STAT3: variants seen among roughly 807,000 people sequenced by gnomAD.
STAT3 encodes the protein DNA-binding protein APRF.
STAT3 carries 7 observed loss-of-function variants against 114.3 expected under a neutral mutation model. That is an observed-to-expected ratio of 0.06 (90% CI 0.03 to 0.11). The LOEUF (loss-of-function observed/expected upper bound fraction) is 0.11. Among genes scored for constraint, STAT3 ranks in the 10% least tolerant of loss-of-function variants. STAT3 has a pLI of 1.00. For synonymous variants in STAT3, 331 were observed against 354.5 expected, an observed-to-expected ratio of 0.93 and a Z score of 0.74; for missense variants, 364 against 960.9, an observed-to-expected ratio of 0.38 and a Z score of 8.21.
intron 1 of STAT3, among the ~76,000 whole-genome samples, chr17:42,350,134 A>G (rs1252683555): frequency 6.6e-6 from 1 of 152,204 alleles, no homozygotes; most frequent in African/African-American, 2.4e-5. Flanking sequence ...CCAAGGTCCA[A>G]TGAGATGGTT....
intron 1 of STAT3, among the ~76,000 whole-genome samples, chr17:42,378,761 G>C (rs2084614304): frequency 6.6e-6 from 1 of 152,190 alleles, no homozygotes; most frequent in African/African-American, 2.4e-5. Context: ...GTTTACGGGA[G>C]AGGTAATTTA....
Position 42,324,649 on chromosome 17 carries a change from C to A in STAT3, c.1600+62G>T. 1.3e-6 allele frequency: 2 copies of A among 1,493,390 alleles called. No individual in the cohort carries two copies. Among genetic ancestry groups the A allele is most frequent in the South Asian group, 2.4e-5 (2 of 82,234 alleles). 92.5% of individuals were successfully genotyped at this position (1,493,390 alleles called of 1,614,324 possible). On this transcript the variant is annotated intron_variant, in intron 17 of 23. Transcript: ENST00000264657. This position sits in a 1 kb window ranked among gnomAD's most constrained non-coding sequence, Gnocchi z 4.5. ...AGTAGACATGGCCCAAATGAACAGCCCTATGGGCCGGATCCCTTTTCTGGG... is the reference window on the plus strand; with the variant it reads ...AGTAGACATGGCCCAAATGAACAGCACTATGGGCCGGATCCCTTTTCTGGG...
rs1250269215 is a variant in STAT3, at chr17:42,337,283, A to C, written c.797+152T>G. Reference sequence around the variant, plus strand: ...AGGTGTGAGCCACAGCGCCTGGCCGAAATAAAGTAAAAACTTTAATTCTTG... The same window carrying C: ...AGGTGTGAGCCACAGCGCCTGGCCGCAATAAAGTAAAAACTTTAATTCTTG... On this transcript the variant is annotated intron_variant, in intron 8 of 23. Coordinates refer to ENST00000264657, the MANE Select transcript of STAT3 (RefSeq NM_139276.3). This position sits in a 1 kb window ranked among gnomAD's most constrained non-coding sequence, Gnocchi z 4.0. The C allele has an allele frequency of 1.6e-6, 2 of 1,247,496 alleles. No individual in the cohort carries two copies. Among genetic ancestry groups the C allele is most frequent in the Admixed American group, 5.6e-5 (2 of 36,028 alleles). The allele number at this position is 1,247,496 out of a possible 1,614,324, so 77.3% of individuals were successfully genotyped here.
chr17:42,339,157 G>A (rs1054633855), intron 5 of STAT3, among the ~76,000 whole-genome samples, 157 bp downstream of exon 5: 2 of 151,500 alleles, frequency 1.3e-5, no homozygotes, highest in African/African-American at 2.4e-5. Flanking sequence ...TTGGGAGGAT[G>A]AGGTAGGAGG....
intron 1 of STAT3, among the ~76,000 whole-genome samples, chr17:42,358,285 T>C (rs2083326595): frequency 6.6e-6 from 1 of 151,966 alleles, no homozygotes. Flanking sequence ...CCTAGCATGG[T>C]GGCCCATGCT....
At chr17:42,368,909 C>T (rs2083951687) in intron 1 of STAT3, among the ~76,000 whole-genome samples, 1 of 152,046 alleles carries the variant, frequency 6.6e-6, no homozygotes, top group Non-Finnish European at 1.5e-5. Flanking sequence ...CACTCTCCAC[C>T]CTCAAGTAAA....
intron 5 of STAT3, among the ~76,000 whole-genome samples, chr17:42,339,073 G>A (rs2082333258): frequency 6.6e-6 from 1 of 151,942 alleles, no homozygotes; most frequent in African/African-American, 2.4e-5. Context: ...ACAACACAGG[G>A]AGACCCCCAT....
rs1307815012 is a variant in STAT3 at position 42,332,418 on chromosome 17, A to G, written c.1050-887T>C. Among the ~76,000 whole-genome samples the G allele has an allele frequency of 3.5e-5, 5 of 142,474 alleles. 1 individual carries two copies. Among genetic ancestry groups the G allele is most frequent in the Non-Finnish European group, 7.7e-5 (5 of 65,020 alleles). 93.5% of individuals were successfully genotyped at this position (142,474 alleles called of 152,430 possible). A position where few individuals can be genotyped will look rare whatever the true frequency, so the allele number is the denominator to read the frequency against. ...CCGGGCATGGTGGCAGGTACCTGTA[A>G]TCCCAGCTACTTGGGAGGCTGAGGC... On this transcript the variant is annotated intron_variant, in intron 10 of 23. Transcript: ENST00000264657.
At chr17:42,367,117 G>C (rs1465641981) in intron 1 of STAT3, among the ~76,000 whole-genome samples, 1 of 151,772 alleles carries the variant, frequency 6.6e-6, no homozygotes, top group Non-Finnish European at 1.5e-5. Context: ...ACTCCAGCCT[G>C]GGTGACACAG....
intron 1 of STAT3, among the ~76,000 whole-genome samples, chr17:42,354,172 C>CT (rs1212253278): frequency 0.034 from 3,678 of 108,644 alleles, 250 homozygotes; most frequent in African/African-American, 0.1. Context: ...TAATTGTGTT[C>CT]TTTTTTTTTT....
chr17:42,339,255 CAA>C (rs397712608), intron 5 of STAT3, 57 bp downstream of exon 5: 18,240 of 1,289,224 alleles, frequency 0.014, no homozygotes, highest in East Asian at 0.018. Flanking sequence ...GACCCTGTCT[CAA>C]AAAAAAAAAA....
Position 42,339,413 on chromosome 17 carries a change from C to A in STAT3, c.373-4G>T, listed in dbSNP as rs376611360. The stretch of plus-strand genomic sequence containing the variant: ...GGTGGTTGGCCTGGCCCCCTTGCTG[C>A]CAAAAAGGAGGTCAATGCACATGTG... On this transcript the variant is annotated splice_region_variant and splice_polypyrimidine_tract_variant and intron_variant, in intron 4 of 23. Coordinates refer to ENST00000264657, the MANE Select transcript of STAT3 (RefSeq NM_139276.3). 6.2e-7 allele frequency: 1 copy of A among 1,613,900 alleles called. No homozygotes were observed. The highest frequency in any genetic ancestry group is 8.5e-7 in the Non-Finnish European group (1 of 1,179,922).
In STAT3 at chr17:42,324,942, C is replaced by A. The variant is rs2081642217; in HGVS notation, c.1464+21G>T. On this transcript the variant is annotated intron_variant, in intron 16 of 23. Transcript: ENST00000264657. This position sits in a 1 kb window ranked among gnomAD's most constrained non-coding sequence, Gnocchi z 4.5. ...GTCGCAAGAGATCCCGGGGCACCAA[C>A]TAAAAGGAGGGGGCACTAACCTTGG... 6.2e-7 allele frequency: 1 copy of A among 1,614,182 alleles called. No individual in the cohort carries two copies. The highest frequency in any genetic ancestry group is 8.5e-7 in the Non-Finnish European group (1 of 1,180,028).
At chr17:42,371,382 C>T (rs1434826315) in intron 1 of STAT3, among the ~76,000 whole-genome samples, 1 of 151,780 alleles carries the variant, frequency 6.6e-6, no homozygotes, top group Non-Finnish European at 1.5e-5. Flanking sequence ...CAGTAAAAGC[C>T]AAAACAGGCG....
intron 2 of STAT3, 120 bp downstream of exon 2, chr17:42,348,269 T>C (rs2145011172): frequency 4.2e-6 from 6 of 1,425,270 alleles, no homozygotes; most frequent in Non-Finnish European, 4.9e-6. Flanking sequence ...GATCTCATTT[T>C]CCCCATCACC....
At chr17:42,383,303 C>CA (rs1469776226) in intron 1 of STAT3, among the ~76,000 whole-genome samples, 1 of 151,832 alleles carries the variant, frequency 6.6e-6, no homozygotes, top group Admixed American at 6.6e-5. Context: ...GTGATCCGCT[C>CA]ACCTCTGCCT....
At position 42,356,319 on chromosome 17, in the gene STAT3, G is replaced by A. The variant is rs1429355047; in HGVS notation, c.-23-7780C>T. ...CAGAACAAAAACTGACATGTTGCCA[G>A]GTGTGGTGGTCTGTGACCCCAGCAC... On this transcript the variant is annotated intron_variant, in intron 1 of 23. Transcript: ENST00000264657. Among the ~76,000 whole-genome samples, 3 of 152,200 alleles carry A rather than the reference G, an allele frequency of 2.0e-5. No individual in the cohort carries two copies. The East Asian group carries it at 5.8e-4, about 29-fold the overall frequency.
At chr17:42,343,907 G>A (rs1382867734) in intron 4 of STAT3, among the ~76,000 whole-genome samples, 4 of 152,014 alleles carry the variant, frequency 2.6e-5, no homozygotes, top group Admixed American at 6.6e-5. Context: ...TTGGATCTTC[G>A]AGGAAGACCT....
intron 23 of STAT3, 44 bp downstream of exon 23, chr17:42,316,745 C>G (rs1267567943): frequency 6.2e-7 from 1 of 1,612,718 alleles, no homozygotes; most frequent in Non-Finnish European, 8.5e-7. Flanking sequence ...ACAAAGGGGA[C>G]CAACTTCCCT....
Sources: gnomAD v4.1 joint callset for allele counts (sites outside exome capture counted in the v4.1 genomes callset) on GRCh38, gnomAD v4.1.1 for gene constraint, Gnocchi (gnomAD v3.1) non-coding constraint, MANE v1.5 for transcripts, NCBI Gene and HGNC (gene_info 2026-07-23, HGNC 2026-07-21) for gene names.